ADH7: variants seen among roughly 807,000 people sequenced by gnomAD.
ADH7 encodes the protein alcohol dehydrogenase 7 (class IV), mu or sigma polypeptide, also known as all-trans-retinol dehydrogenase [NAD(+)] ADH7.
Under a neutral mutation model 34.4 loss-of-function variants are expected in ADH7, and 41 were observed. The observed-to-expected ratio is 1.19, with a 90% CI of 0.93 to 1.55. The LOEUF (loss-of-function observed/expected upper bound fraction) is 1.55, where lower values mean the gene tolerates loss of function less well. Among genes scored for constraint, ADH7 ranks in the 40% most tolerant of loss-of-function variants. ADH7 has a pLI of 0.00. For missense variants in ADH7, 540 were observed against 461.2 expected, an observed-to-expected ratio of 1.17 and a Z score of -1.56; for synonymous variants, 180 against 160.9, an observed-to-expected ratio of 1.12 and a Z score of -0.90.
intron 1 of ADH7, 90 bp from the exon 2 acceptor site, chr4:99,429,723 A>G (rs768449671): frequency 4.2e-5 from 35 of 832,568 alleles, no homozygotes; most frequent in Non-Finnish European, 6.2e-5. Context: ...AGAAGAGCAT[A>G]TATAATATTT....
rs1358162612 is a variant in ADH7, at chr4:99,412,383, A to C, written c.*765T>G. 1 of 152,146 alleles carries C rather than the reference A, an allele frequency of 6.6e-6. No homozygotes were observed. The highest frequency in any genetic ancestry group is 1.5e-5 in the Non-Finnish European group (1 of 67,964). The allele number at this position is 152,146 out of a possible 1,614,324, so 9.4% of individuals were successfully genotyped here. On this transcript the variant is annotated 3_prime_UTR_variant, in exon 9 of 9. Transcript: ENST00000437033. The stretch of plus-strand genomic sequence containing the variant: ...ATTAAATGGAGTCACTACTAAGCAC[A>C]GTGAATAGGGACTTAGGGACTTGCA...
chr4:99,419,080 G>C lies in ADH7; in HGVS notation c.867C>G (p.Ser289Arg). 6.2e-7 allele frequency: 1 copy of C among 1,613,782 alleles called. No homozygotes were observed. Among genetic ancestry groups the C allele is most frequent in the Non-Finnish European group, 8.5e-7 (1 of 1,179,838 alleles). The change falls in exon 7 of 9, where the codon AGC (serine) becomes AGG (arginine). Residue 289 changes from serine (S) to arginine (R), a missense_variant. Transcript: ENST00000437033. ...LASCHMNYGT[S>R]VVVGVPPSAK... is the part of the protein sequence containing the mutation. ...CTGATGGAGGAACTCCTACAACCAC[G>C]CTGGTCCCATAGTTCATGTGGCAGG...
intron 6 of ADH7, among the ~76,000 whole-genome samples, chr4:99,419,429 T>C (rs17529377): frequency 0.11 from 16,802 of 152,138 alleles, 1,128 homozygotes; most frequent in South Asian, 0.15. Flanking sequence ...AGATAAGCCT[T>C]AGAAAGCCAT....
Position 99,415,534 on chromosome 4 carries a change from A to G in ADH7, c.1044T>C (p.His348=). 3.1e-6 allele frequency: 5 copies of G among 1,613,604 alleles called. No individual in the cohort carries two copies. Among genetic ancestry groups the G allele is most frequent in the African/African-American group, 1.3e-5 (1 of 75,014 alleles). ...KKFDLDQLIT[H]VLPFKKISEG... ...CACTGATTTTTTTAAATGGTAAAAC[A>G]TGAGTTATCAACTGGTCCAGGTCAA... Residue 348 remains histidine, a synonymous_variant, in exon 8 of 9, where the codon CAT becomes CAC. Transcript: ENST00000437033.
intron 1 of ADH7, chr4:99,432,853 A>T (rs1021910344): frequency 2.1e-4 from 32 of 152,160 alleles, no homozygotes; most frequent in South Asian, 6.2e-4. Flanking sequence ...TAAAAAAAAA[A>T]ATTTTTTTAA....
intron 1 of ADH7, chr4:99,432,821 G>A (rs1457703751): frequency 1.3e-5 from 2 of 152,026 alleles, no homozygotes; most frequent in Admixed American, 1.3e-4. Flanking sequence ...ACAATTCTGT[G>A]CCTATCAAGT....
intron 3 of ADH7, 126 bp downstream of exon 3, chr4:99,428,366 T>G: frequency 2.2e-6 from 3 of 1,337,964 alleles, no homozygotes; most frequent in South Asian, 2.8e-5. Context: ...AATCCATTCT[T>G]GTATCCTTTT....
intron 5 of ADH7, among the ~76,000 whole-genome samples, chr4:99,426,883 C>T (rs1721820035): frequency 1.3e-5 from 2 of 152,182 alleles, no homozygotes; most frequent in South Asian, 4.1e-4. Context: ...GGCTTTCATA[C>T]CTGCGATGCA....
Position 99,413,088 on chromosome 4 carries a change from A to G in ADH7, c.*60T>C. ...CAGATACATGATTTCAGATGAGGGA[A>G]CTCTCACAAGAGAAACTCCAGTTCA... is the stretch of plus-strand genomic sequence containing the variant. On this transcript the variant is annotated 3_prime_UTR_variant, in exon 9 of 9. Coordinates refer to ENST00000437033, the MANE Select transcript of ADH7 (RefSeq NM_000673.7). 1 of 1,561,110 alleles carries G rather than the reference A, an allele frequency of 6.4e-7. No individual in the cohort carries two copies. The highest frequency in any genetic ancestry group is 8.8e-7 in the Non-Finnish European group (1 of 1,134,352).
chr4:99,428,215 T>C (rs1263804127), intron 3 of ADH7, 41 bp from the exon 4 acceptor site: 21 of 1,540,090 alleles, frequency 1.4e-5, no homozygotes, highest in African/African-American at 2.7e-5. Flanking sequence ...TGTTCATTAA[T>C]GTTAAAATAT....
intron 6 of ADH7, among the ~76,000 whole-genome samples, chr4:99,419,423 A>T (rs1213444330): frequency 6.6e-6 from 1 of 152,206 alleles, no homozygotes; most frequent in East Asian, 1.9e-4. Flanking sequence ...CACTTCAGAT[A>T]AGCCTTAGAA....
chr4:99,429,222 A>G (rs1359662068), intron 2 of ADH7, among the ~76,000 whole-genome samples: 1 of 152,248 alleles, frequency 6.6e-6, no homozygotes, highest in Non-Finnish European at 1.5e-5. Context: ...TGACTCCCAG[A>G]AGATTTTAAA....
intron 5 of ADH7, among the ~76,000 whole-genome samples, chr4:99,424,520 G>A (rs1313934143): frequency 6.6e-6 from 1 of 152,016 alleles, no homozygotes; most frequent in African/African-American, 2.4e-5. Context: ...AGCATGGAAT[G>A]TTCTTCCATT....
intron 5 of ADH7, among the ~76,000 whole-genome samples, chr4:99,421,879 G>A (rs1291564849): frequency 6.6e-6 from 1 of 152,214 alleles, no homozygotes; most frequent in Non-Finnish European, 1.5e-5. Context: ...AGACATTTAT[G>A]TGGCCAATAA....
At position 99,419,147 on chromosome 4, in the gene ADH7, T is replaced by C. The variant is rs377606177; in HGVS notation, c.826-26A>G. On this transcript the variant is annotated intron_variant, in intron 6 of 8. Transcript: ENST00000437033. ...CTGAGTTTAAAACGGAGGAGATCGT[T>C]TGCTTCCTGTGTCTCTTACAGTGTG... The C allele has an allele frequency of 2.5e-6, 4 of 1,606,818 alleles. No individual in the cohort carries two copies. In the African/African-American group the frequency reaches 5.3e-5, roughly 21 times the overall value.
chr4:99,421,114 A>C (rs926902844), intron 5 of ADH7, among the ~76,000 whole-genome samples: 16 of 152,212 alleles, frequency 1.1e-4, no homozygotes, highest in Admixed American at 1.3e-4. Context: ...CTATCAAGCT[A>C]CCATTTACTT....
chr4:99,421,660 T>C (rs1334682063), intron 5 of ADH7, among the ~76,000 whole-genome samples: 1 of 152,162 alleles, frequency 6.6e-6, no homozygotes. Context: ...TGGGATCTAA[T>C]TAAACTAAAG....
At chr4:99,428,441 G>A (rs781403653) in intron 3 of ADH7, 51 bp downstream of exon 3, 2 of 1,580,702 alleles carry the variant, frequency 1.3e-6, no homozygotes, top group South Asian at 1.2e-5. Context: ...CCTTTGATAG[G>A]CTAATCAAAG....
intron 8 of ADH7, among the ~76,000 whole-genome samples, chr4:99,414,373 A>G (rs550619683): frequency 7.2e-5 from 11 of 152,234 alleles, no homozygotes; most frequent in Non-Finnish European, 1.5e-4. Context: ...CCTTTTACTA[A>G]TGAAATCCAC....
Sources: allele counts gnomAD v4.1 joint callset (sites outside exome capture counted in the v4.1 genomes callset), GRCh38; gene constraint gnomAD v4.1.1; transcripts MANE v1.5; gene names NCBI Gene and HGNC (gene_info 2026-07-23, HGNC 2026-07-21).